NTNG2: variants seen among roughly 807,000 people sequenced by gnomAD.
NTNG2 encodes the protein netrin G2, also known as netrin-G2.
NTNG2 carries 15 observed loss-of-function variants against 47.6 expected under a neutral mutation model. The observed-to-expected ratio is 0.32, with a 90% CI of 0.21 to 0.49. The LOEUF (loss-of-function observed/expected upper bound fraction) is 0.49. NTNG2 is among the 20% of genes least tolerant of loss of function. NTNG2 has a pLI of 0.99. For missense variants in NTNG2, 578 were observed against 764.6 expected, an observed-to-expected ratio of 0.76 and a Z score of 2.88; for synonymous variants, 307 against 324.6, an observed-to-expected ratio of 0.95 and a Z score of 0.58.
At chr9:132,167,076 A>C in intron 2 of NTNG2, 32 bp downstream of exon 2, 1 of 1,608,814 alleles carries the variant, frequency 6.2e-7, no homozygotes, top group Non-Finnish European at 8.5e-7. Flanking sequence ...TTGTTTGCCC[A>C]GGCCAAGTGG....
chr9:132,207,968 G>A (rs1173294743), intron 3 of NTNG2, among the ~76,000 whole-genome samples: 1 of 152,210 alleles, frequency 6.6e-6, no homozygotes, highest in Non-Finnish European at 1.5e-5. Context: ...GCCAGGCATG[G>A]TGGTGTGCGC....
intron 3 of NTNG2, among the ~76,000 whole-genome samples, chr9:132,212,421 A>G (rs1478609249): frequency 2.0e-5 from 3 of 152,328 alleles, no homozygotes; most frequent in East Asian, 3.9e-4. Context: ...GAGGTGAGGT[A>G]TGTTAAAGCA....
At chr9:132,220,536 C>T (rs985411173) in intron 3 of NTNG2, among the ~76,000 whole-genome samples, 1 of 150,968 alleles carries the variant, frequency 6.6e-6, no homozygotes, top group Admixed American at 6.6e-5. Flanking sequence ...ACTGCAACCT[C>T]TGCCTCCTGG....
chr9:132,213,557 G>A (rs1024854952), intron 3 of NTNG2, among the ~76,000 whole-genome samples: 8 of 152,074 alleles, frequency 5.3e-5, no homozygotes, highest in South Asian at 4.1e-4. Context: ...CTCAGAAAGC[G>A]AGGGCCCTTG....
chr9:132,171,849 T>TC (rs1297017662), intron 2 of NTNG2, among the ~76,000 whole-genome samples: 1 of 152,184 alleles, frequency 6.6e-6, no homozygotes, highest in East Asian at 1.9e-4. Context: ...CTGGCCTCCT[T>TC]CCCCCTCTGT....
intron 3 of NTNG2, among the ~76,000 whole-genome samples, chr9:132,217,990 C>T (rs776995559): frequency 1.1e-4 from 17 of 152,336 alleles, no homozygotes; most frequent in East Asian, 1.9e-4. Flanking sequence ...CCATATCGCT[C>T]CTCAGGGCCA....
chr9:132,235,273 C>T (rs534662669), intron 5 of NTNG2, among the ~76,000 whole-genome samples: 72 of 152,366 alleles, frequency 4.7e-4, no homozygotes, highest in African/African-American at 1.7e-3. Flanking sequence ...AGCCATTAGC[C>T]AGAGACATCA....
intron 2 of NTNG2, among the ~76,000 whole-genome samples, chr9:132,186,688 T>C (rs1382601807): frequency 6.6e-6 from 1 of 152,200 alleles, no homozygotes; most frequent in Non-Finnish European, 1.5e-5. Context: ...GCAACCCGAA[T>C]TGGTGTAAGA....
intron 2 of NTNG2, among the ~76,000 whole-genome samples, chr9:132,190,050 G>C (rs1442454270): frequency 1.1e-4 from 17 of 148,624 alleles, no homozygotes; most frequent in African/African-American, 2.9e-4. Context: ...TGGCTAACAC[G>C]GTGAAACCCC....
At chr9:132,169,346 TTTTGGAGGGCTGGC>T (rs902149749) in intron 2 of NTNG2, among the ~76,000 whole-genome samples, 4 of 152,122 alleles carry the variant, frequency 2.6e-5, no homozygotes, top group African/African-American at 7.2e-5. Context: ...CAGGGCTGGC[TTTTGGAGGGCTGGC>T]TTTGGAGGGC....
chr9:132,165,845 G>T (rs528452869), intron 1 of NTNG2, among the ~76,000 whole-genome samples: 1 of 152,260 alleles, frequency 6.6e-6, no homozygotes, highest in East Asian at 1.9e-4. Flanking sequence ...CTCCAAATGT[G>T]CAACTCTGAT....
At chr9:132,188,551 C>T (rs554833128) in intron 2 of NTNG2, among the ~76,000 whole-genome samples, 1 of 152,352 alleles carries the variant, frequency 6.6e-6, no homozygotes, top group African/African-American at 2.4e-5. Context: ...GAGGATCGCA[C>T]TCTCCAGGAT....
chr9:132,222,028 G>A (rs1282643125), intron 3 of NTNG2, among the ~76,000 whole-genome samples: 1 of 152,198 alleles, frequency 6.6e-6, no homozygotes, highest in Non-Finnish European at 1.5e-5. Context: ...CAGCTCAGGG[G>A]GGTGTTAGAT....
chr9:132,241,173 G>T lies in NTNG2; in HGVS notation c.1357+129G>T, dbSNP rs557604779. The T allele has an allele frequency of 2.7e-4, 328 of 1,215,212 alleles. 3 individuals carry two copies. The East Asian group carries it at 6.9e-3, about 25-fold the overall frequency. 75.3% of individuals were successfully genotyped at this position (1,215,212 alleles called of 1,614,324 possible). A position where few individuals can be genotyped will look rare whatever the true frequency, so the allele number is the denominator to read the frequency against. ...GGGCCTAGCAAGACGGGGCAGGGCC[G>T]GGGAAGTGGGTGGGGCCTAGTGGGA... On this transcript the variant is annotated intron_variant, in intron 7 of 7. Transcript: ENST00000393229.
chr9:132,237,147 C>T (rs1446995359), intron 5 of NTNG2, among the ~76,000 whole-genome samples: 4 of 152,146 alleles, frequency 2.6e-5, no homozygotes, highest in Non-Finnish European at 5.9e-5. Context: ...CAGATGTGTC[C>T]ATGGTCTCAG....
Position 132,215,910 on chromosome 9 carries a change from G to A in NTNG2, c.858-10939G>A, listed in dbSNP as rs955151298. On this transcript the variant is annotated intron_variant, in intron 3 of 7. Transcript: ENST00000393229. This position sits in a 1 kb window ranked among gnomAD's most constrained non-coding sequence, Gnocchi z 4.2. ...AATAGCAACAATAATAATAGCTGAC[G>A]TTTCCGGAGGGCATGCTCTGTGCCA... 2.6e-5 allele frequency among the ~76,000 whole-genome samples: 4 copies of A among 152,098 alleles called. No homozygotes were observed. Among genetic ancestry groups the A allele is most frequent in the African/African-American group, 4.8e-5 (2 of 41,394 alleles).
At chr9:132,193,784 G>C (rs568187244) in intron 2 of NTNG2, among the ~76,000 whole-genome samples, 1 of 152,144 alleles carries the variant, frequency 6.6e-6, no homozygotes, top group African/African-American at 2.4e-5. Context: ...ACGAGACCCA[G>C]GTGGCTTAAA....
At position 132,198,310 on chromosome 9, in the gene NTNG2, A is replaced by T; in HGVS notation, c.558A>T (p.Ser186=). ...CCGCCCGCCGGGCCCGCGACATGTC[A>T]TCCTCCAGCGCGCACCGCGTGCTCT... ...GMSARRARDM[S]SSSAHRVLCT... Residue 186 remains serine, a synonymous_variant, in exon 3 of 8, where the codon TCA becomes TCT. Coordinates refer to ENST00000393229, the MANE Select transcript of NTNG2 (RefSeq NM_032536.4). 6.2e-7 allele frequency: 1 copy of T among 1,612,842 alleles called. No individual in the cohort carries two copies. Among genetic ancestry groups the T allele is most frequent in the Non-Finnish European group, 8.5e-7 (1 of 1,179,914 alleles).
intron 3 of NTNG2, 25 bp downstream of exon 3, chr9:132,198,634 G>A (rs750289830): frequency 1.9e-6 from 3 of 1,592,372 alleles, no homozygotes. Context: ...AGCCCTGGAT[G>A]TCACCTGCAA....
Sources: gnomAD v4.1 joint callset for allele counts (sites outside exome capture counted in the v4.1 genomes callset) on GRCh38, gnomAD v4.1.1 for gene constraint, Gnocchi (gnomAD v3.1) non-coding constraint, MANE v1.5 for transcripts, NCBI Gene and HGNC (gene_info 2026-07-23, HGNC 2026-07-21) for gene names.